The following MOCOS variants were observed in gnomAD, a reference collection of about 807,000 sequenced individuals.
MOCOS encodes the protein human molybdenum cofactor sulfurase.
In MOCOS, 86 loss-of-function variants were observed where a neutral mutation model predicts 83.6. That is an observed-to-expected ratio of 1.03 (90% CI 0.86 to 1.23). The LOEUF (loss-of-function observed/expected upper bound fraction) is 1.23. Among genes scored for constraint, MOCOS ranks in the 50% most tolerant of loss-of-function variants. The pLI, the probability that MOCOS is intolerant of heterozygous loss-of-function variation, is 0.00. For synonymous variants in MOCOS, 445 were observed against 434.7 expected, an observed-to-expected ratio of 1.02 and a Z score of -0.29; for missense variants, 1,120 against 1,126.9, an observed-to-expected ratio of 0.99 and a Z score of 0.09.
Position 36,213,458 on chromosome 18 carries a change from C to T in MOCOS, c.1311C>T (p.Asn437=), listed in dbSNP as rs139751799. 4.9e-5 allele frequency: 79 copies of T among 1,613,856 alleles called. No individual in the cohort carries two copies. The highest frequency in any genetic ancestry group is 3.4e-4 in the Middle Eastern group (2 of 5,910). ...GCCAGAGGCACCTGGGCATAAGCAA[C>T]GAGATGGTCAGGAAGCATTTTCAGG... The part of the protein sequence containing the change: ...GACQRHLGIS[N]EMVRKHFQAG... Residue 437 remains asparagine (N), a synonymous_variant, in exon 7 of 15, where the codon AAC becomes AAT. Transcript: ENST00000261326.
intron 9 of MOCOS, among the ~76,000 whole-genome samples, chr18:36,232,588 T>C (rs771122180): frequency 7.9e-5 from 12 of 152,106 alleles, no homozygotes; most frequent in Non-Finnish European, 1.6e-4. Flanking sequence ...TAGACCTTAT[T>C]CCTCCTATAT....
chr18:36,208,027 C>G (rs1267897868), intron 6 of MOCOS, among the ~76,000 whole-genome samples: 2 of 152,092 alleles, frequency 1.3e-5, no homozygotes, highest in Non-Finnish European at 2.9e-5. Flanking sequence ...GCCAGTTATC[C>G]CAGCACCATT....
chr18:36,204,556 A>C (rs1260895544), intron 5 of MOCOS, among the ~76,000 whole-genome samples: 1 of 152,244 alleles, frequency 6.6e-6, no homozygotes, highest in Non-Finnish European at 1.5e-5. Flanking sequence ...GATGACAGGA[A>C]TGCCTATGGA....
At chr18:36,253,269 C>T (rs942721443) in intron 11 of MOCOS, among the ~76,000 whole-genome samples, 20 of 152,086 alleles carry the variant, frequency 1.3e-4, no homozygotes, top group African/African-American at 4.1e-4. Context: ...AATGCTGCAA[C>T]GTAAGAGATG....
intron 9 of MOCOS, among the ~76,000 whole-genome samples, chr18:36,237,783 G>A (rs1456804716): frequency 4.6e-5 from 7 of 151,132 alleles, no homozygotes; most frequent in Admixed American, 6.6e-5. Flanking sequence ...TGGTTGGTAA[G>A]CTATTGATTA....
intron 1 of MOCOS, among the ~76,000 whole-genome samples, chr18:36,189,276 A>G (rs1177007536): frequency 6.6e-6 from 1 of 152,176 alleles, no homozygotes; most frequent in African/African-American, 2.4e-5. Context: ...AGAACTCGTT[A>G]CCACTTACTG....
Position 36,260,092 on chromosome 18 carries a change from C to T in MOCOS, c.2326C>T (p.Arg776Cys), listed in dbSNP as rs750896617. Residue 776 changes from arginine to cysteine, a missense_variant, in exon 13 of 15, where the codon CGT becomes TGT. By Grantham distance (180) the Arg-to-Cys change is radical. Transcript: ENST00000261326. ...FSLKDLSLRF[R>C]ANIIINGKRA... ...ACTGAAGGATCTCAGCTTGCGTTTTCGTGCCAATATTATTATCAATGGAAA... is the reference window on the plus strand; with the variant it reads ...ACTGAAGGATCTCAGCTTGCGTTTTTGTGCCAATATTATTATCAATGGAAA... 41 of 1,614,020 alleles carry T rather than the reference C, an allele frequency of 2.5e-5. No homozygotes were observed. The highest frequency in any genetic ancestry group is 3.3e-4 in the Middle Eastern group (2 of 6,084).
intron 6 of MOCOS, among the ~76,000 whole-genome samples, chr18:36,207,221 G>C (rs1282478137): frequency 6.6e-6 from 1 of 152,242 alleles, no homozygotes; most frequent in South Asian, 2.1e-4. Context: ...ATTTTTAGTA[G>C]AGACAGGGTT....
intron 7 of MOCOS, 132 bp from the exon 8 acceptor site, chr18:36,215,384 G>A: frequency 1.2e-6 from 1 of 851,460 alleles, no homozygotes; most frequent in Non-Finnish European, 1.9e-6. Context: ...CAGACGCACA[G>A]CACATATTAA....
chr18:36,219,418 C>T (rs2091487510), intron 8 of MOCOS, among the ~76,000 whole-genome samples: 1 of 152,106 alleles, frequency 6.6e-6, no homozygotes, highest in African/African-American at 2.4e-5. Context: ...GTGGCTCATG[C>T]CTGTAATCCC....
Position 36,203,180 on chromosome 18 carries a change from C to T in MOCOS, c.1009C>T (p.Arg337Cys), listed in dbSNP as rs750400048. Residue 337 changes from arginine (R) to cysteine (C), a missense_variant, in exon 5 of 15, where the codon CGC becomes TGC. Transcript: ENST00000261326. ...AAAACATGGATTTGACACCCTAGAG[C>T]GCCTCACAGGTCAGTGGACATTTCT... ...ALKHGFDTLERLTGGMENIKQ... is the reference protein window; with the variant it reads ...ALKHGFDTLECLTGGMENIKQ... 149 of 1,613,812 alleles carry T rather than the reference C, an allele frequency of 9.2e-5. No homozygotes were observed. The highest frequency in any genetic ancestry group is 1.2e-4 in the Non-Finnish European group (141 of 1,179,842).
intron 2 of MOCOS, 89 bp downstream of exon 2, chr18:36,195,435 A>G (rs1425709930): frequency 5.7e-6 from 7 of 1,225,814 alleles, no homozygotes; most frequent in South Asian, 3.7e-5. Flanking sequence ...TAGGCCAGGA[A>G]TATTCTGACC....
intron 1 of MOCOS, among the ~76,000 whole-genome samples, chr18:36,191,042 A>AG (rs1429790540): frequency 6.7e-6 from 1 of 149,470 alleles, no homozygotes; most frequent in African/African-American, 2.4e-5. Flanking sequence ...GAAAAAGAAA[A>AG]AAAAGTGTGT....
intron 11 of MOCOS, among the ~76,000 whole-genome samples, chr18:36,252,170 G>C (rs895987918): frequency 2.0e-5 from 3 of 152,042 alleles, no homozygotes; most frequent in Non-Finnish European, 4.4e-5. Flanking sequence ...TTACCAGTTT[G>C]TTCAGATATT....
chr18:36,220,786 T>C (rs2091493236), intron 9 of MOCOS, among the ~76,000 whole-genome samples: 1 of 151,388 alleles, frequency 6.6e-6, no homozygotes, highest in Non-Finnish European at 1.5e-5. Flanking sequence ...CTGGGCATGG[T>C]GGCACGTGCC....
rs764801199 is a variant in MOCOS at position 36,266,788 on chromosome 18, G to A, written c.2449G>A (p.Asp817Asn). ...TCACAGATGCCAGATGATTTGCATC[G>A]ACCAGCAAACTGGGCAACGAAACCA... is the stretch of plus-strand genomic sequence containing the variant. ...PCHRCQMICI[D>N]QQTGQRNQHV... The change falls in exon 14 of 15, where the codon GAC becomes AAC. Residue 817 changes from aspartate to asparagine, a missense_variant. By Grantham distance (23) the Asp-to-Asn change is conservative (BLOSUM62 1). Coordinates refer to ENST00000261326, the MANE Select transcript of MOCOS (RefSeq NM_017947.4). 9 of 1,613,880 alleles carry A rather than the reference G, an allele frequency of 5.6e-6. No homozygotes were observed. The highest frequency in any genetic ancestry group is 2.2e-5 in the South Asian group (2 of 91,062).
Position 36,264,310 on chromosome 18 carries a change from G to A in MOCOS, c.2410-2439G>A, listed in dbSNP as rs182249058. 1.0e-4 allele frequency among the ~76,000 whole-genome samples: 15 copies of A among 150,236 alleles called. No individual in the cohort carries two copies. In the East Asian group the frequency reaches 2.9e-3, roughly 29 times the overall value. ...TTTTACAGAAGTTGTTGCCTGTCGG[G>A]TGGCTGCTAGAGGCTGGGGCTGGTG... On this transcript the variant is annotated intron_variant, in intron 13 of 14. Transcript: ENST00000261326.
chr18:36,226,983 C>A (rs1946855688), intron 9 of MOCOS, among the ~76,000 whole-genome samples: 1 of 149,704 alleles, frequency 6.7e-6, no homozygotes, highest in African/African-American at 2.5e-5. Flanking sequence ...GCCACCTAGG[C>A]TCAAGCAATC....
chr18:36,247,543 G>T (rs1475750930), intron 9 of MOCOS, among the ~76,000 whole-genome samples: 1 of 152,144 alleles, frequency 6.6e-6, no homozygotes, highest in Non-Finnish European at 1.5e-5. Context: ...GCTTTCCTGG[G>T]GTTCAAGCTG....
Sources: allele counts gnomAD v4.1 joint callset (sites outside exome capture counted in the v4.1 genomes callset), GRCh38; gene constraint gnomAD v4.1.1; transcripts MANE v1.5; gene names NCBI Gene and HGNC (gene_info 2026-07-23, HGNC 2026-07-21).